CCSER1: variants seen among roughly 807,000 people sequenced by gnomAD.
CCSER1 encodes the protein serine-rich coiled-coil domain-containing protein 1.
Under a neutral mutation model 82.0 loss-of-function variants are expected in CCSER1, and 41 were observed. That is an observed-to-expected ratio of 0.50 (90% CI 0.39 to 0.65). CCSER1 has a LOEUF of 0.65. Among genes scored for constraint, CCSER1 ranks in the 30% least tolerant of loss-of-function variants. The pLI is 0.00. For missense variants in CCSER1, 1,119 were observed against 1,064.2 expected (o/e 1.05, Z -0.72); for synonymous variants, 414 against 383.9 (o/e 1.08, Z -0.92).
At chr4:90,970,164 G>A (rs1359247075) in intron 9 of CCSER1, among the ~76,000 whole-genome samples, 2 of 151,734 alleles carry the variant, frequency 1.3e-5, no homozygotes, top group Non-Finnish European at 2.9e-5. Flanking sequence ...TAGAGTGGGT[G>A]AATGGATTAA....
chr4:90,780,405 A>C (rs1443446636), intron 7 of CCSER1: 1 of 1,595,984 alleles, frequency 6.3e-7, no homozygotes, highest in Non-Finnish European at 8.6e-7. Context: ...AGTTGGTAGA[A>C]TATAAGGACT....
At chr4:90,540,861 G>A (rs965183047) in intron 5 of CCSER1, among the ~76,000 whole-genome samples, 1 of 152,114 alleles carries the variant, frequency 6.6e-6, no homozygotes, top group Non-Finnish European at 1.5e-5. Flanking sequence ...ATGATGCATA[G>A]TGCATAGCAC....
intron 7 of CCSER1, among the ~76,000 whole-genome samples, chr4:90,748,618 T>G (rs1441810499): frequency 6.8e-6 from 1 of 148,016 alleles, no homozygotes; most frequent in African/African-American, 2.5e-5. Flanking sequence ...CCACACTGAC[T>G]TCCACAATGG....
At chr4:90,796,043 T>A (rs1436194368) in intron 7 of CCSER1, among the ~76,000 whole-genome samples, 2 of 151,572 alleles carry the variant, frequency 1.3e-5, no homozygotes. Context: ...TTCTCAGTTA[T>A]GTGGGATAGT....
At chr4:90,510,393 T>C (rs550295678) in intron 5 of CCSER1, among the ~76,000 whole-genome samples, 3 of 152,286 alleles carry the variant, frequency 2.0e-5, no homozygotes, top group African/African-American at 7.2e-5. Flanking sequence ...CAAGTTACCA[T>C]TACAAAAACA....
intron 7 of CCSER1, among the ~76,000 whole-genome samples, chr4:90,754,758 C>T (rs1447500039): frequency 6.6e-6 from 1 of 152,080 alleles, no homozygotes; most frequent in Non-Finnish European, 1.5e-5. Flanking sequence ...GTAGAAATAG[C>T]ATTCAGCTGC....
At chr4:91,309,632 A>C (rs552397698) in intron 10 of CCSER1, among the ~76,000 whole-genome samples, 1 of 152,166 alleles carries the variant, frequency 6.6e-6, no homozygotes, top group South Asian at 2.1e-4. Flanking sequence ...AATACTACAT[A>C]AAAGGCTTGC....
At chr4:90,896,012 G>A (rs1421861868) in intron 8 of CCSER1, among the ~76,000 whole-genome samples, 1 of 151,662 alleles carries the variant, frequency 6.6e-6, no homozygotes, top group Non-Finnish European at 1.5e-5. Context: ...TGATTCCGGA[G>A]GAAAAAATAT....
At position 90,858,896 on chromosome 4, in the gene CCSER1, A is replaced by T. The variant is rs536507747; in HGVS notation, c.2094+43051A>T. ...GGGAAGCGGAAGAGCTGTAAGAAAT[A>T]GTGACTTATCAGATTGGGAGTAAAA... On this transcript the variant is annotated intron_variant, in intron 8 of 10. Transcript: ENST00000509176. Among the ~76,000 whole-genome samples, 6 of 152,062 alleles carry T rather than the reference A, an allele frequency of 3.9e-5. No homozygotes were observed. The East Asian group carries it at 1.2e-3, about 29-fold the overall frequency.
At chr4:91,524,853 A>G (rs756429979) in intron 10 of CCSER1, among the ~76,000 whole-genome samples, 2 of 152,198 alleles carry the variant, frequency 1.3e-5, no homozygotes, top group Non-Finnish European at 2.9e-5. Context: ...AGAATAACAA[A>G]GAGATCTGTT....
At chr4:90,259,815 G>A (rs1355801706) in intron 1 of CCSER1, among the ~76,000 whole-genome samples, 1 of 152,008 alleles carries the variant, frequency 6.6e-6, no homozygotes, top group Non-Finnish European at 1.5e-5. Flanking sequence ...AACTCATTTT[G>A]TCATGATGTA....
chr4:91,539,030 G>A (rs536311041), intron 10 of CCSER1, among the ~76,000 whole-genome samples: 13 of 152,016 alleles, frequency 8.6e-5, no homozygotes, highest in African/African-American at 2.9e-4. Context: ...GGTCCTTCCA[G>A]TTTAGTTTAT....
At chr4:90,391,504 A>AATATATAT (rs70963065) in intron 3 of CCSER1, among the ~76,000 whole-genome samples, 2,175 of 79,336 alleles carry the variant, frequency 0.027, 90 homozygotes, top group East Asian at 0.081. Flanking sequence ...ACAGTGGGTA[A>AATATATAT]ATATATATAT....
chr4:90,399,267 C>A (rs1275313504), intron 3 of CCSER1, among the ~76,000 whole-genome samples: 1 of 152,054 alleles, frequency 6.6e-6, no homozygotes, highest in African/African-American at 2.4e-5. Flanking sequence ...TCAGTGTAGC[C>A]TTCTAGTTTA....
intron 10 of CCSER1, among the ~76,000 whole-genome samples, chr4:91,398,595 A>T (rs1317616108): frequency 6.6e-6 from 1 of 151,936 alleles, no homozygotes; most frequent in East Asian, 1.9e-4. Context: ...ATTCATTAAT[A>T]AGAGAGCATA....
At chr4:91,323,938 A>G (rs1746371795) in intron 10 of CCSER1, among the ~76,000 whole-genome samples, 1 of 152,138 alleles carries the variant, frequency 6.6e-6, no homozygotes, top group Admixed American at 6.6e-5. Flanking sequence ...ATTAAGCACA[A>G]TTTTGTCTTT....
intron 7 of CCSER1, among the ~76,000 whole-genome samples, chr4:90,811,475 A>T (rs951901699): frequency 1.3e-5 from 2 of 152,218 alleles, no homozygotes; most frequent in African/African-American, 2.4e-5. Context: ...AAATAAGGAA[A>T]GTGATAGAGA....
chr4:91,484,613 A>G (rs1167851505), intron 10 of CCSER1, among the ~76,000 whole-genome samples: 1 of 152,162 alleles, frequency 6.6e-6, no homozygotes, highest in Admixed American at 6.5e-5. Flanking sequence ...TGATTTATAT[A>G]ATTTATGAAT....
In CCSER1 at chr4:91,044,815, CTT is replaced by C. The variant is rs199970751; in HGVS notation, c.2173-41133_2173-41132del. ...GAGACATAATAAGTAATCAAGAAGT[CTT>C]TGTTCATCATATGAATAAGTGCTAT... On this transcript the variant is annotated intron_variant, in intron 9 of 10. Transcript: ENST00000509176. Among the ~76,000 whole-genome samples the C allele has an allele frequency of 8.6e-3, 1,307 of 152,288 alleles. 19 individuals carry two copies. The highest frequency in any genetic ancestry group is 0.03 in the African/African-American group (1,260 of 41,556).
Sources: gnomAD v4.1 joint callset for allele counts (sites outside exome capture counted in the v4.1 genomes callset) on GRCh38, gnomAD v4.1.1 for gene constraint, MANE v1.5 for transcripts, NCBI Gene and HGNC (gene_info 2026-07-23, HGNC 2026-07-21) for gene names.